Variants in COL9A1 observed in about 807,000 individuals in gnomAD.
COL9A1 encodes collagen alpha-1(IX) chain.
Under a neutral mutation model 142.6 loss-of-function variants are expected in COL9A1, and 104 were observed. That is an observed-to-expected ratio of 0.73 (90% CI 0.62 to 0.86). The LOEUF (loss-of-function observed/expected upper bound fraction) is 0.86, where lower values mean the gene tolerates loss of function less well. COL9A1 is among the 40% of genes least tolerant of loss of function. The probability of loss-of-function intolerance (pLI) is 0.00; values close to 1 mark genes in which losing one functional copy is unlikely to be tolerated. For synonymous variants in COL9A1, 466 were observed against 396.0 expected, an observed-to-expected ratio of 1.18 and a Z score of -2.10; for missense variants, 1,210 against 1,176.6, an observed-to-expected ratio of 1.03 and a Z score of -0.42.
At chr6:70,302,797 T>G in intron 1 of COL9A1, 114 bp downstream of exon 1, 2 of 1,169,576 alleles carry the variant, frequency 1.7e-6, no homozygotes, top group East Asian at 4.7e-5. Context: ...TTTCTGTCTC[T>G]CACCTTGAGG....
chr6:70,256,655 T>C, intron 21 of COL9A1, 113 bp downstream of exon 21: 1 of 747,030 alleles, frequency 1.3e-6, no homozygotes, highest in Non-Finnish European at 2.2e-6. Context: ...TATATATAAA[T>C]TGTCCACTTT....
Position 70,271,724 on chromosome 6 carries a change from C to T in COL9A1, c.1090-16G>A. 6.2e-7 allele frequency: 1 copy of T among 1,612,190 alleles called. No homozygotes were observed. Among genetic ancestry groups the T allele is most frequent in the Non-Finnish European group, 8.5e-7 (1 of 1,178,396 alleles). On this transcript the variant is annotated splice_polypyrimidine_tract_variant and intron_variant, in intron 13 of 37. Transcript: ENST00000357250. ...CAGGAGGACCCTGAAGTCAACAAATCAAAGCAAATGGTCATTTATGAATAT... is the reference window on the plus strand; with the variant it reads ...CAGGAGGACCCTGAAGTCAACAAATTAAAGCAAATGGTCATTTATGAATAT...
rs146699115 is a variant in COL9A1 at position 70,262,679 on chromosome 6, G to C, written c.1395+565C>G. The stretch of plus-strand genomic sequence containing the variant: ...TGTAATACAAAATAAGGCAAATTCT[G>C]ATTTAACAACATTTGAAATTGAAGT... On this transcript the variant is annotated intron_variant, in intron 19 of 37. Coordinates refer to ENST00000357250, the MANE Select transcript of COL9A1 (RefSeq NM_001851.6). Among the ~76,000 whole-genome samples the C allele has an allele frequency of 3.1e-3, 470 of 152,314 alleles. 1 individual carries two copies. The highest frequency in any genetic ancestry group is 0.011 in the African/African-American group (438 of 41,578).
At chr6:70,283,069 T>C in intron 6 of COL9A1, 151 bp from the exon 7 acceptor site, 2 of 1,585,678 alleles carry the variant, frequency 1.3e-6, no homozygotes, top group Non-Finnish European at 1.7e-6. Flanking sequence ...CGCCCGCCGC[T>C]AATCCCTTGG....
intron 10 of COL9A1, among the ~76,000 whole-genome samples, chr6:70,280,165 C>T (rs1773053554): frequency 6.6e-6 from 1 of 152,180 alleles, no homozygotes; most frequent in Non-Finnish European, 1.5e-5. Context: ...CTGGAGAAAG[C>T]CTGCTGGTTC....
chr6:70,272,042 A>T (rs780213109), intron 13 of COL9A1, 23 bp downstream of exon 13: 2 of 1,608,142 alleles, frequency 1.2e-6, no homozygotes, highest in South Asian at 2.2e-5. Flanking sequence ...CTGCATAAAA[A>T]TAAATGATGA....
intron 7 of COL9A1, among the ~76,000 whole-genome samples, chr6:70,281,989 C>A (rs766027033): frequency 2.0e-5 from 3 of 151,996 alleles, no homozygotes; most frequent in Admixed American, 6.5e-5. Flanking sequence ...GAGACCAGTG[C>A]CTGGCCTCAT....
rs1420376267 is a variant in COL9A1 at position 70,241,818 on chromosome 6, CTGAG to C, written c.1998+142_1998+145del. The C allele has an allele frequency of 1.6e-5, 12 of 768,968 alleles. No individual in the cohort carries two copies. The Admixed American group carries it at 2.6e-4, about 17-fold the overall frequency. The allele number at this position is 768,968 out of a possible 1,614,324, so 47.6% of individuals were successfully genotyped here. On this transcript the variant is annotated intron_variant, in intron 30 of 37. Transcript: ENST00000357250. ...GACTTTTTGCTTCTTAATCTCAACT[CTGAG>C]TAATTTAAAATATCTTTCTTGATAG... is the stretch of plus-strand genomic sequence containing the variant.
chr6:70,280,032 C>T, intron 10 of COL9A1: 1 of 691,332 alleles, frequency 1.4e-6, no homozygotes, highest in East Asian at 2.7e-5. Flanking sequence ...GTCATTATTA[C>T]ATATTGTTAG....
intron 5 of COL9A1, among the ~76,000 whole-genome samples, chr6:70,293,888 T>G (rs995801384): frequency 1.3e-5 from 2 of 152,132 alleles, no homozygotes; most frequent in Non-Finnish European, 2.9e-5. Context: ...TCAACCTTAC[T>G]TTGAATATTT....
chr6:70,268,692 C>T (rs540606351), intron 17 of COL9A1, 112 bp downstream of exon 17: 125 of 917,270 alleles, frequency 1.4e-4, no homozygotes, highest in Middle Eastern at 1.2e-3. Flanking sequence ...ATAAGCACTA[C>T]TTGCCTGATC....
intron 10 of COL9A1, chr6:70,280,485 G>T (rs2127596860): frequency 2.3e-6 from 3 of 1,308,000 alleles, no homozygotes; most frequent in East Asian, 6.8e-5. Flanking sequence ...ATTGCCATCC[G>T]TACCCCCTCT....
At chr6:70,263,846 A>G (rs1175997495) in intron 18 of COL9A1, among the ~76,000 whole-genome samples, 1 of 151,972 alleles carries the variant, frequency 6.6e-6, no homozygotes, top group Non-Finnish European at 1.5e-5. Flanking sequence ...TGTCACTCAT[A>G]GAAAAGCCTT....
At chr6:70,231,561 G>C (rs961806443) in intron 36 of COL9A1, among the ~76,000 whole-genome samples, 2 of 149,592 alleles carry the variant, frequency 1.3e-5, no homozygotes, top group African/African-American at 4.9e-5. Context: ...CTCTGAACAC[G>C]CCAAAAAAAA....
chr6:70,240,625 T>C, intron 32 of COL9A1, 64 bp downstream of exon 32: 2 of 1,110,608 alleles, frequency 1.8e-6, no homozygotes, highest in Non-Finnish European at 2.7e-6. Flanking sequence ...GAAGTATATA[T>C]ATATACTTCT....
Position 70,272,084 on chromosome 6 carries a change from C to T in COL9A1, c.1070G>A (p.Arg357His), listed in dbSNP as rs139288475. The change falls in exon 13 of 38, where the codon CGT (arginine) becomes CAT (histidine). Residue 357 changes from arginine (R) to histidine (H), a missense_variant. Coordinates refer to ENST00000357250, the MANE Select transcript of COL9A1 (RefSeq NM_001851.6). ...GVPGSRGFPG[R>H]GIPGPPGPPG... ...ACTTACAGGGGGTCCAGGAATACCACGGCCCTAAAAGAGTACAATAAAAAT... is the reference window on the plus strand; with the variant it reads ...ACTTACAGGGGGTCCAGGAATACCATGGCCCTAAAAGAGTACAATAAAAAT... 2.6e-4 allele frequency: 420 copies of T among 1,611,252 alleles called. No individual in the cohort carries two copies. The highest frequency in any genetic ancestry group is 3.3e-4 in the Non-Finnish European group (390 of 1,177,962).
intron 36 of COL9A1, among the ~76,000 whole-genome samples, chr6:70,231,069 G>C (rs534254887): frequency 6.6e-6 from 1 of 152,162 alleles, no homozygotes; most frequent in Admixed American, 6.5e-5. Flanking sequence ...AGGAGGGCCT[G>C]TTAAACTAGA....
chr6:70,225,742 T>C (rs1285064708), intron 37 of COL9A1, among the ~76,000 whole-genome samples, 190 bp downstream of exon 37: 2 of 152,246 alleles, frequency 1.3e-5, no homozygotes, highest in African/African-American at 4.8e-5. Context: ...TGATACCTAT[T>C]TTCTGATTTG....
intron 12 of COL9A1, among the ~76,000 whole-genome samples, chr6:70,272,582 G>A (rs1045654919): frequency 1.3e-5 from 2 of 152,106 alleles, no homozygotes; most frequent in African/African-American, 4.8e-5. Flanking sequence ...CTTTTGAAAG[G>A]TTGGGCTATA....
Sources: allele counts gnomAD v4.1 joint callset (sites outside exome capture counted in the v4.1 genomes callset), GRCh38; gene constraint gnomAD v4.1.1; transcripts MANE v1.5; gene names NCBI Gene and HGNC (gene_info 2026-07-23, HGNC 2026-07-21).